PELI3: variants seen among roughly 807,000 people sequenced by gnomAD.
PELI3 encodes E3 ubiquitin-protein ligase pellino homolog 3.
In PELI3, 19 loss-of-function variants were observed where a neutral mutation model predicts 35.5. The observed-to-expected ratio is 0.54, with a 90% confidence interval of 0.37 to 0.79. The LOEUF is 0.79. Among genes scored for constraint, PELI3 ranks in the 30% least tolerant of loss-of-function variants. PELI3 has a pLI of 0.00. For missense variants in PELI3, 490 were observed against 661.2 expected, an observed-to-expected ratio of 0.74 and a Z score of 2.84; for synonymous variants, 262 against 279.2, an observed-to-expected ratio of 0.94 and a Z score of 0.62.
chr11:66,470,190 C>T (rs1287223251), intron 3 of PELI3, among the ~76,000 whole-genome samples: 2 of 152,144 alleles, frequency 1.3e-5, no homozygotes, highest in African/African-American at 2.4e-5. Context: ...CTTCCTGTTC[C>T]CAGACCTTCC....
chr11:66,476,319 T>TAC lies in PELI3; in HGVS notation c.*152_*153insAC. On this transcript the variant is annotated 3_prime_UTR_variant, in exon 8 of 8. Coordinates refer to ENST00000320740, the MANE Select transcript of PELI3 (RefSeq NM_145065.3). The stretch of plus-strand genomic sequence containing the variant: ...TGGGCTGTGCCCTTCCCCCCAACTG[T>TAC]GGCCCCCCAAGGAGGTCCCCAAGAT... 1.1e-6 allele frequency: 1 copy of TAC among 869,954 alleles called. No homozygotes were observed. Among genetic ancestry groups the TAC allele is most frequent in the South Asian group, 1.8e-5 (1 of 55,436 alleles). 53.9% of individuals were successfully genotyped at this position (869,954 alleles called of 1,614,324 possible). A position where few individuals can be genotyped will look rare whatever the true frequency, so the allele number is the denominator to read the frequency against.
chr11:66,475,583 T>C lies in PELI3; in HGVS notation c.841-15T>C. 6.2e-7 allele frequency: 1 copy of C among 1,611,018 alleles called. No homozygotes were observed. The highest frequency in any genetic ancestry group is 8.5e-7 in the Non-Finnish European group (1 of 1,179,342). ...GGCCTCTTGGGCAGTAAGGCCCTTC[T>C]ACTGCCTCTGGCAGGTGGAAAACGA... On this transcript the variant is annotated splice_polypyrimidine_tract_variant and intron_variant, in intron 7 of 7. Coordinates refer to ENST00000320740, the MANE Select transcript of PELI3 (RefSeq NM_145065.3).
chr11:66,468,014 C>A, intron 1 of PELI3, 114 bp from the exon 2 acceptor site: 1 of 1,295,350 alleles, frequency 7.7e-7, no homozygotes, highest in Non-Finnish European at 1.0e-6. Flanking sequence ...GCAGTAGAGG[C>A]GGTGAAAGGT....
At position 66,475,769 on chromosome 11, in the gene PELI3, A is replaced by G; in HGVS notation, c.1012A>G (p.Thr338Ala). ...GCCCCAGTGCCCCGTGGGCCTCAGC[A>G]CTCTGGCCTTCCCCAGCCCAGCCCG... Reference protein sequence around the residue: ...ARPQCPVGLSTLAFPSPARGR... With the variant: ...ARPQCPVGLSALAFPSPARGR... The change falls in exon 8 of 8, where the codon ACT (threonine) becomes GCT (alanine). Residue 338 changes from threonine to alanine, a missense_variant. Coordinates refer to ENST00000320740, the MANE Select transcript of PELI3 (RefSeq NM_145065.3). 1 of 1,610,014 alleles carries G rather than the reference A, an allele frequency of 6.2e-7. No homozygotes were observed.
chr11:66,475,652 G>T lies in PELI3; in HGVS notation c.895G>T (p.Ala299Ser). 6.2e-7 allele frequency: 1 copy of T among 1,612,628 alleles called. No individual in the cohort carries two copies. Among genetic ancestry groups the T allele is most frequent in the Non-Finnish European group, 8.5e-7 (1 of 1,179,924 alleles). The stretch of plus-strand genomic sequence containing the variant: ...CGGCTCTCTCATCGACCTGTGTGGG[G>T]CCACACTGCTGTGGCGCACACCGGC... ...QDGSLIDLCGATLLWRTPAGL... is the reference protein window; with the variant it reads ...QDGSLIDLCGSTLLWRTPAGL... The change falls in exon 8 of 8, where the codon GCC becomes TCC. Residue 299 changes from alanine (A) to serine (S), a missense_variant. This residue lies in a region of PELI3 where 349 missense variants were observed against 484.8 expected (regional missense o/e 0.72). Coordinates refer to ENST00000320740, the MANE Select transcript of PELI3 (RefSeq NM_145065.3).
intron 3 of PELI3, among the ~76,000 whole-genome samples, chr11:66,469,176 T>C (rs1181493252): frequency 6.6e-6 from 1 of 151,766 alleles, no homozygotes; most frequent in Non-Finnish European, 1.5e-5. Context: ...TTGCCATCAG[T>C]CCTAAAGAAA....
chr11:66,471,466 C>T, intron 4 of PELI3, 95 bp downstream of exon 4: 1 of 1,479,332 alleles, frequency 6.8e-7, no homozygotes, highest in Non-Finnish European at 9.2e-7. Flanking sequence ...AGCCCCCACA[C>T]CTTAACAGGG....
chr11:66,467,978 G>A lies in PELI3; in HGVS notation c.-1-150G>A. Reference sequence around the variant, plus strand: ...CCCAGCAACCTCGGGCAGTTTAGAGGAGGCAGAGGGGAAGTGGTTGCCATA... The same window carrying A: ...CCCAGCAACCTCGGGCAGTTTAGAGAAGGCAGAGGGGAAGTGGTTGCCATA... On this transcript the variant is annotated intron_variant, in intron 1 of 7. Transcript: ENST00000320740. The surrounding 1 kb of genome is among the most constrained non-coding windows in gnomAD (Gnocchi z 4.2). 1 of 954,390 alleles carries A rather than the reference G, an allele frequency of 1.0e-6. No individual in the cohort carries two copies. Among genetic ancestry groups the A allele is most frequent in the Non-Finnish European group, 1.5e-6 (1 of 686,358 alleles). The allele number at this position is 954,390 out of a possible 1,614,324, so 59.1% of individuals were successfully genotyped here.
Position 66,476,285 on chromosome 11 carries a change from C to A in PELI3, c.*118C>A. ...TGCTGGCACAGCCACACCAGATGGA[C>A]ATGTTGGATGGGCTGTGCCCTTCCC... On this transcript the variant is annotated 3_prime_UTR_variant, in exon 8 of 8. Transcript: ENST00000320740. The A allele has an allele frequency of 8.8e-7, 1 of 1,134,484 alleles. No homozygotes were observed. Among genetic ancestry groups the A allele is most frequent in the Non-Finnish European group, 1.2e-6 (1 of 820,448 alleles). The allele number at this position is 1,134,484 out of a possible 1,614,324, so 70.3% of individuals were successfully genotyped here. A position where few individuals can be genotyped will look rare whatever the true frequency, so the allele number is the denominator to read the frequency against.
At position 66,467,414 on chromosome 11, in the gene PELI3, G is replaced by C. The variant is rs1184525492; in HGVS notation, c.-2+387G>C. 2 of 152,148 alleles carry C rather than the reference G, an allele frequency of 1.3e-5. No homozygotes were observed. Among genetic ancestry groups the C allele is most frequent in the East Asian group, 3.9e-4 (2 of 5,166 alleles). 9.4% of individuals were successfully genotyped at this position (152,148 alleles called of 1,614,324 possible). On this transcript the variant is annotated intron_variant, in intron 1 of 7. Coordinates refer to ENST00000320740, the MANE Select transcript of PELI3 (RefSeq NM_145065.3). The surrounding 1 kb of genome is among the most constrained non-coding windows in gnomAD (Gnocchi z 4.2). ...GCTGTGCTGCAGCCCGAGCTCGAGG[G>C]GGGAGCGCCGCCTCCGCAGGCCTCC...
Position 66,473,661 on chromosome 11 carries a change from C to T in PELI3, c.652-76C>T, listed in dbSNP as rs11227492. Reference sequence around the variant, plus strand: ...GGGCCGCCTCTGAACTTGAAGGTAGCGGGGGCAGTGCCTCTGGCACATGGC... The same window carrying T: ...GGGCCGCCTCTGAACTTGAAGGTAGTGGGGGCAGTGCCTCTGGCACATGGC... On this transcript the variant is annotated intron_variant, in intron 6 of 7. Coordinates refer to ENST00000320740, the MANE Select transcript of PELI3 (RefSeq NM_145065.3). The surrounding 1 kb of genome is among the most constrained non-coding windows in gnomAD (Gnocchi z 5.8). 1,631 of 1,565,618 alleles carry T rather than the reference C, an allele frequency of 1.0e-3. 23 individuals carry two copies. In the African/African-American group the frequency reaches 0.019, roughly 19 times the overall value.
chr11:66,472,078 T>C (rs1854740662), intron 4 of PELI3, among the ~76,000 whole-genome samples: 1 of 151,350 alleles, frequency 6.6e-6, no homozygotes, highest in Non-Finnish European at 1.5e-5. Flanking sequence ...TTCACTATGT[T>C]GGCCAGGCCA....
rs1854604692 is a variant in PELI3 at position 66,468,242 on chromosome 11, C to T, written c.114C>T (p.Gly38=). Residue 38 remains glycine, a synonymous_variant, in exon 2 of 8, where the codon GGC becomes GGT. Coordinates refer to ENST00000320740, the MANE Select transcript of PELI3 (RefSeq NM_145065.3). ...CTCCCGGTGAAGATGCGCAGCCAGG[C>T]GAGGAGCCCATCAAGTATGGTGAAC... ...LSSPGEDAQP[G]EEPIKYGELI... 2 of 1,588,466 alleles carry T rather than the reference C, an allele frequency of 1.3e-6. No individual in the cohort carries two copies. Among genetic ancestry groups the T allele is most frequent in the Non-Finnish European group, 1.7e-6 (2 of 1,164,798 alleles).
intron 2 of PELI3, 76 bp downstream of exon 2, chr11:66,468,356 C>G: frequency 7.4e-7 from 1 of 1,349,432 alleles, no homozygotes; most frequent in South Asian, 2.0e-5. Context: ...CCCGACCCCT[C>G]CTCCCCCCAC....
In PELI3 at chr11:66,467,276, G is replaced by A. The variant is rs1168949826; in HGVS notation, c.-2+249G>A. 3 of 151,826 alleles carry A rather than the reference G, an allele frequency of 2.0e-5. No individual in the cohort carries two copies. The highest frequency in any genetic ancestry group is 6.6e-5 in the Admixed American group (1 of 15,248). The allele number at this position is 151,826 out of a possible 1,614,324, so 9.4% of individuals were successfully genotyped here. ...GGGCCGCCGGGTGTGGACCTGCGTA[G>A]GTGCTGGGCCGCGGTTCCCGTTCTG... On this transcript the variant is annotated intron_variant, in intron 1 of 7. Transcript: ENST00000320740. The surrounding 1 kb of genome is among the most constrained non-coding windows in gnomAD (Gnocchi z 4.2).
In PELI3 at chr11:66,473,385, G is replaced by T; in HGVS notation, c.601G>T (p.Ala201Ser). 5 of 1,613,574 alleles carry T rather than the reference G, an allele frequency of 3.1e-6. No homozygotes were observed. The highest frequency in any genetic ancestry group is 4.2e-6 in the Non-Finnish European group (5 of 1,179,982). ...CTGTGACCGCCGGCCACCCTATACT[G>T]CCCGCATCTATGCCGCTGGCTTCGA... ...ILCDRRPPYT[A>S]RIYAAGFDAS... The change falls in exon 6 of 8, where the codon GCC (alanine) becomes TCC (serine). Residue 201 changes from alanine (A) to serine (S), a missense_variant. Coordinates refer to ENST00000320740, the MANE Select transcript of PELI3 (RefSeq NM_145065.3). The surrounding 1 kb of genome is among the most constrained non-coding windows in gnomAD (Gnocchi z 5.8).
chr11:66,471,228 C>A lies in PELI3; in HGVS notation c.225-14C>A. On this transcript the variant is annotated splice_polypyrimidine_tract_variant and intron_variant, in intron 3 of 7. Transcript: ENST00000320740. The stretch of plus-strand genomic sequence containing the variant: ...CTCTTGCAACCCCTTCTTCTTAACC[C>A]CCGACATCTACAGCTACAATGGTTG... 2 of 1,606,136 alleles carry A rather than the reference C, an allele frequency of 1.2e-6. No individual in the cohort carries two copies. The highest frequency in any genetic ancestry group is 1.7e-6 in the Non-Finnish European group (2 of 1,174,056).
intron 7 of PELI3, chr11:66,474,310 G>A: frequency 1.8e-6 from 1 of 567,870 alleles, no homozygotes; most frequent in South Asian, 2.3e-5. Context: ...GCAGTTTGTA[G>A]CATGTCTATC....
Position 66,473,289 on chromosome 11 carries a change from T to A in PELI3, c.505T>A (p.Ser169Thr), listed in dbSNP as rs781331245. 6.2e-7 allele frequency: 1 copy of A among 1,613,384 alleles called. No individual in the cohort carries two copies. The highest frequency in any genetic ancestry group is 8.5e-7 in the Non-Finnish European group (1 of 1,179,898). Residue 169 changes from serine to threonine, a missense_variant, in exon 6 of 8, where the codon TCC becomes ACC. By Grantham distance (58) the Ser-to-Thr change is moderately conservative. This residue lies in a region of PELI3 where 349 missense variants were observed against 484.8 expected (regional missense o/e 0.72). Transcript: ENST00000320740. The surrounding 1 kb of genome is among the most constrained non-coding windows in gnomAD (Gnocchi z 5.8). ...GATTGACTTCGTGGTAACAGACACG[T>A]CCCCTGGAGGAGGGGCTGCCGAGGG... Reference protein sequence around the residue: ...NMIDFVVTDTSPGGGAAEGPS... With the variant: ...NMIDFVVTDTTPGGGAAEGPS...
Sources: gnomAD v4.1 joint callset for allele counts (sites outside exome capture counted in the v4.1 genomes callset) on GRCh38, gnomAD v4.1.1 for gene constraint, gnomAD v4.1.1 regional missense constraint, Gnocchi (gnomAD v3.1) non-coding constraint, MANE v1.5 for transcripts, NCBI Gene and HGNC (gene_info 2026-07-23, HGNC 2026-07-21) for gene names.